The following HDAC9 variants were observed in gnomAD, a reference collection of about 807,000 sequenced individuals.
HDAC9 encodes the protein MEF-2 interacting transcription repressor (MITR) protein.
A neutral mutation model predicts 139.4 loss-of-function variants in HDAC9; 41 were observed. That is an observed-to-expected ratio of 0.29 (90% CI 0.23 to 0.38). The LOEUF is 0.38. Ranked by LOEUF, HDAC9 falls within the 10% of genes least tolerant of loss-of-function variation. The pLI, the probability that HDAC9 is intolerant of heterozygous loss-of-function variation, is 1.00. For synonymous variants in HDAC9, 517 were observed against 476.2 expected, an observed-to-expected ratio of 1.09 and a Z score of -1.12; for missense variants, 1,147 against 1,297.0, an observed-to-expected ratio of 0.88 and a Z score of 1.78.
At chr7:18,251,843 T>C (rs1199949679) in intron 2 of HDAC9, among the ~76,000 whole-genome samples, 1 of 152,228 alleles carries the variant, frequency 6.6e-6, no homozygotes, top group Non-Finnish European at 1.5e-5. Context: ...TTCCCAATTC[T>C]GCAAACTACC....
At chr7:18,718,473 T>A (rs1784880254) in intron 12 of HDAC9, among the ~76,000 whole-genome samples, 1 of 152,132 alleles carries the variant, frequency 6.6e-6, no homozygotes, top group South Asian at 2.1e-4. Flanking sequence ...GGTTAGGCAA[T>A]CCACCCGCCT....
At chr7:18,493,849 C>G (rs547955899), upstream of HDAC9, among the ~76,000 whole-genome samples, 5 of 151,924 alleles carry the variant, frequency 3.3e-5, no homozygotes, top group African/African-American at 1.2e-4. Flanking sequence ...TGGAGCTCCC[C>G]TGGTTCCACG....
chr7:18,578,180 C>A (rs773878215), intron 2 of HDAC9: 1 of 518,970 alleles, frequency 1.9e-6, no homozygotes, highest in East Asian at 5.4e-5. Flanking sequence ...GAGTGACCTC[C>A]ACAAACTGAG....
intron 17 of HDAC9, among the ~76,000 whole-genome samples, chr7:18,811,958 C>G (rs775898888): frequency 9.2e-5 from 14 of 151,732 alleles, no homozygotes; most frequent in Non-Finnish European, 1.8e-4. Flanking sequence ...TTAAATAGCT[C>G]AAATCCCTTA....
At chr7:18,947,423 G>A (rs1782482614) in intron 23 of HDAC9, among the ~76,000 whole-genome samples, 1 of 151,800 alleles carries the variant, frequency 6.6e-6, no homozygotes. Context: ...CTTCACTACA[G>A]ATTTTAATGT....
intron 1 of HDAC9, among the ~76,000 whole-genome samples, chr7:18,330,060 C>T (rs1277171522): frequency 2.6e-5 from 4 of 151,140 alleles, no homozygotes; most frequent in African/African-American, 9.7e-5. Context: ...TACCTTGATG[C>T]TTTGGGAAAA....
At chr7:18,969,719 TTTGG>T (rs200180773) in intron 24 of HDAC9, among the ~76,000 whole-genome samples, 2,361 of 152,228 alleles carry the variant, frequency 0.016, 52 homozygotes, top group African/African-American at 0.054. Context: ...AAGTCCGAAC[TTTGG>T]ATGGATTAAT....
intron 17 of HDAC9, among the ~76,000 whole-genome samples, chr7:18,805,615 G>C (rs946558520): frequency 2.0e-5 from 3 of 152,222 alleles, no homozygotes; most frequent in Non-Finnish European, 4.4e-5. Flanking sequence ...AGTAGAATGA[G>C]ACTGGAGGCA....
intron 1 of HDAC9, among the ~76,000 whole-genome samples, chr7:18,431,705 G>T (rs1585853085): frequency 1.3e-5 from 2 of 152,080 alleles, no homozygotes; most frequent in East Asian, 1.9e-4. Flanking sequence ...AATACATACT[G>T]GATTGATGAA....
chr7:18,491,482 T>C (rs1322347320), upstream of HDAC9, among the ~76,000 whole-genome samples: 1 of 151,998 alleles, frequency 6.6e-6, no homozygotes, highest in Non-Finnish European at 1.5e-5. Context: ...TGTAGTCATC[T>C]TAAATTTCCG....
chr7:18,278,131 C>G (rs1490362397), intron 2 of HDAC9, among the ~76,000 whole-genome samples: 1 of 152,164 alleles, frequency 6.6e-6, no homozygotes, highest in Non-Finnish European at 1.5e-5. Flanking sequence ...TGTTCCACTT[C>G]TGGATATTTT....
intron 1 of HDAC9, among the ~76,000 whole-genome samples, chr7:18,435,981 A>G (rs1403297534): frequency 1.3e-5 from 2 of 150,166 alleles, no homozygotes; most frequent in Non-Finnish European, 3.0e-5. Flanking sequence ...TATGAAATAT[A>G]TGTGTGTATT....
chr7:18,205,339 C>T (rs1791425013), intron 2 of HDAC9, among the ~76,000 whole-genome samples: 2 of 151,710 alleles, frequency 1.3e-5, no homozygotes, highest in South Asian at 4.1e-4. Flanking sequence ...TGATAATATG[C>T]TTTAAATGTA....
intron 23 of HDAC9, among the ~76,000 whole-genome samples, chr7:18,945,614 G>T (rs1782323345): frequency 6.6e-6 from 1 of 152,076 alleles, no homozygotes; most frequent in Non-Finnish European, 1.5e-5. Flanking sequence ...TTTCTGAAAG[G>T]TTTATTTTTT....
At chr7:18,207,473 C>T (rs906791270) in intron 2 of HDAC9, among the ~76,000 whole-genome samples, 2 of 148,344 alleles carry the variant, frequency 1.3e-5, no homozygotes, top group Non-Finnish European at 3.0e-5. Flanking sequence ...GTGGTGCAAT[C>T]GTAGCTCACA....
At chr7:18,763,972 G>C (rs968269904) in intron 15 of HDAC9, among the ~76,000 whole-genome samples, 1 of 152,000 alleles carries the variant, frequency 6.6e-6, no homozygotes, top group Admixed American at 6.6e-5. Context: ...TAAGAGAAAG[G>C]CATATTTATA....
chr7:18,991,234 TGAAAAA>T (rs376941759), intron 25 of HDAC9, among the ~76,000 whole-genome samples: 2 of 151,770 alleles, frequency 1.3e-5, no homozygotes, highest in East Asian at 3.9e-4. Context: ...AGGGGGGAGA[TGAAAAA>T]GAAAAATGAA....
intron 25 of HDAC9, among the ~76,000 whole-genome samples, chr7:18,994,272 C>T (rs1038631080): frequency 1.1e-4 from 16 of 152,144 alleles, no homozygotes; most frequent in African/African-American, 3.6e-4. Flanking sequence ...TTAGAATATC[C>T]AGTTTGAGTT....
At chr7:18,095,183 C>A (rs953531104) in intron 1 of HDAC9, among the ~76,000 whole-genome samples, 1 of 151,938 alleles carries the variant, frequency 6.6e-6, no homozygotes, top group Admixed American at 6.6e-5. Flanking sequence ...TTCACTGGGC[C>A]CAGTGTATGT....
Sources: gnomAD v4.1 joint callset for allele counts (sites outside exome capture counted in the v4.1 genomes callset) on GRCh38, gnomAD v4.1.1 for gene constraint, MANE v1.5 for transcripts, NCBI Gene and HGNC (gene_info 2026-07-23, HGNC 2026-07-21) for gene names.